Variants in RBFOX1 observed in about 807,000 individuals in gnomAD.
The protein encoded by RBFOX1 is RNA binding protein fox-1 homolog 1.
RBFOX1 carries 8 observed loss-of-function variants against 57.7 expected under a neutral mutation model. The ratio of observed to expected loss-of-function variants is 0.14; its 90% CI spans 0.08 to 0.25. RBFOX1 has a LOEUF of 0.25. Among genes scored for constraint, RBFOX1 ranks in the 10% least tolerant of loss-of-function variants. RBFOX1 has a pLI of 1.00. For missense variants in RBFOX1, 611 were observed against 548.5 expected (o/e 1.11, Z -1.14); for synonymous variants, 326 against 222.4 (o/e 1.47, Z -4.15).
At chr16:6,185,425 A>C (rs1253437705) in intron 1 of RBFOX1, among the ~76,000 whole-genome samples, 1 of 152,214 alleles carries the variant, frequency 6.6e-6, no homozygotes, top group Non-Finnish European at 1.5e-5. Flanking sequence ...TCCATTTTAC[A>C]ATGAAGAAAC....
In RBFOX1 at chr16:6,352,152, A is replaced by C. The variant is rs188706261; in HGVS notation, c.-64+35095A>C. Among the ~76,000 whole-genome samples the C allele has an allele frequency of 1.3e-4, 20 of 152,296 alleles. No individual in the cohort carries two copies. The East Asian group carries it at 2.1e-3, about 16-fold the overall frequency. ...TTTATATAATAAAAAGCAACCAGCT[A>C]TCTCAAGTCCCAGACCTCCCAGCCC... On this transcript the variant is annotated intron_variant, in intron 2 of 15. Transcript: ENST00000550418.
chr16:5,812,160 T>TA (rs2055455614), intron 3 of RBFOX1, among the ~76,000 whole-genome samples: 1 of 152,198 alleles, frequency 6.6e-6, no homozygotes, highest in Non-Finnish European at 1.5e-5. Flanking sequence ...ACTGTATGGA[T>TA]AGTGACTACA....
intron 3 of RBFOX1, among the ~76,000 whole-genome samples, chr16:5,788,994 C>T: frequency 6.6e-6 from 1 of 152,146 alleles, no homozygotes; most frequent in East Asian, 1.9e-4. Flanking sequence ...TGCTCTTCCA[C>T]TTCCAGCTGA....
intron 4 of RBFOX1, among the ~76,000 whole-genome samples, chr16:7,345,531 C>T (rs550227373): frequency 2.6e-5 from 4 of 152,262 alleles, no homozygotes; most frequent in South Asian, 4.2e-4. Flanking sequence ...GGACTTGGCA[C>T]GGCTTGCCAG....
chr16:6,660,598 C>A (rs1283922111), intron 3 of RBFOX1, among the ~76,000 whole-genome samples: 1 of 152,098 alleles, frequency 6.6e-6, no homozygotes, highest in Non-Finnish European at 1.5e-5. Flanking sequence ...AACTCTGTGA[C>A]CTTGAGAAGC....
rs191966739 is a variant in RBFOX1 at position 6,320,707 on chromosome 16, G to A, written c.-64+3650G>A. 1.1e-3 allele frequency among the ~76,000 whole-genome samples: 174 copies of A among 152,132 alleles called. 1 individual carries two copies. The highest frequency in any genetic ancestry group is 2.0e-3 in the Non-Finnish European group (135 of 67,994). On this transcript the variant is annotated intron_variant, in intron 2 of 15. Coordinates refer to ENST00000550418, the MANE Select transcript of RBFOX1 (RefSeq NM_018723.4). Reference sequence around the variant, plus strand: ...CAGCAGCCAGACGGAGCAAGTGAACGCTTGAAATGTGACTATTACACCTGA... The same window carrying A: ...CAGCAGCCAGACGGAGCAAGTGAACACTTGAAATGTGACTATTACACCTGA...
At chr16:7,497,720 T>G (rs2151737442) in intron 4 of RBFOX1, among the ~76,000 whole-genome samples, 1 of 152,364 alleles carries the variant, frequency 6.6e-6, no homozygotes, top group Non-Finnish European at 1.5e-5. Flanking sequence ...CATGTGTCAC[T>G]GAGACTTTTA....
intron 1 of RBFOX1, among the ~76,000 whole-genome samples, chr16:5,461,338 C>T (rs542570611): frequency 6.6e-4 from 100 of 152,312 alleles, no homozygotes; most frequent in African/African-American, 1.8e-3. Context: ...CCTCTCCTAG[C>T]GTTTCCCACG....
At chr16:5,594,344 A>G (rs1021346769) in intron 2 of RBFOX1, among the ~76,000 whole-genome samples, 3 of 152,194 alleles carry the variant, frequency 2.0e-5, no homozygotes, top group African/African-American at 7.2e-5. Flanking sequence ...GTGAGCCCCG[A>G]AAATCTGAGA....
intron 1 of RBFOX1, among the ~76,000 whole-genome samples, chr16:5,332,837 C>A (rs902887575): frequency 3.3e-5 from 5 of 151,678 alleles, no homozygotes; most frequent in African/African-American, 1.2e-4. Flanking sequence ...ATAAACCAGC[C>A]CTATTATTTT....
At chr16:6,141,467 A>G (rs2096715520) in intron 1 of RBFOX1, among the ~76,000 whole-genome samples, 1 of 151,690 alleles carries the variant, frequency 6.6e-6, no homozygotes, top group African/African-American at 2.4e-5. Context: ...ACTCACCTCC[A>G]TTTCTCTTCC....
intron 1 of RBFOX1, among the ~76,000 whole-genome samples, chr16:6,070,842 T>C (rs1160311888): frequency 4.0e-5 from 6 of 150,670 alleles, no homozygotes; most frequent in Admixed American, 6.7e-5. Context: ...ACATTTGCAC[T>C]AAACTTCTTT....
intron 4 of RBFOX1, among the ~76,000 whole-genome samples, chr16:7,474,739 TAA>T (rs1309924141): frequency 6.6e-6 from 1 of 152,222 alleles, no homozygotes; most frequent in African/African-American, 2.4e-5. Context: ...AAAATGGGCA[TAA>T]TCGTAGAACT....
chr16:5,954,210 T>G (rs13335248), intron 4 of RBFOX1, among the ~76,000 whole-genome samples: 33,855 of 152,100 alleles, frequency 0.22, 4,486 homozygotes, highest in African/African-American at 0.34. Context: ...CATCACATAT[T>G]CAGGCTGGCC....
intron 5 of RBFOX1, among the ~76,000 whole-genome samples, chr16:7,556,293 T>C (rs2088450260): frequency 6.6e-6 from 1 of 152,176 alleles, no homozygotes; most frequent in Non-Finnish European, 1.5e-5. Flanking sequence ...TTCTGTTTCT[T>C]GTACACCAGA....
intron 1 of RBFOX1, among the ~76,000 whole-genome samples, chr16:6,066,436 G>T (rs1280446456): frequency 6.6e-6 from 1 of 151,960 alleles, no homozygotes; most frequent in Non-Finnish European, 1.5e-5. Flanking sequence ...CATCAGAAGG[G>T]AAAAACCCTT....
intron 2 of RBFOX1, among the ~76,000 whole-genome samples, chr16:6,330,690 T>C (rs1454933197): frequency 6.6e-6 from 1 of 152,208 alleles, no homozygotes; most frequent in Non-Finnish European, 1.5e-5. Flanking sequence ...GGGTCTTACT[T>C]TCTCTAGAGG....
intron 2 of RBFOX1, among the ~76,000 whole-genome samples, chr16:6,454,874 T>TGTTTTTGGTTTTTGTTG (rs1567313731): frequency 2.0e-5 from 1 of 50,232 alleles, no homozygotes; most frequent in Non-Finnish European, 3.9e-5. Flanking sequence ...TTTTTTTTTT[T>TGTTTTTGGTTTTTGTTG]TTTTTTTTTT....
intron 14 of RBFOX1, 150 bp from the exon 15 acceptor site, chr16:7,708,906 C>G (rs1055306059): frequency 1.5e-6 from 1 of 669,762 alleles, no homozygotes; most frequent in South Asian, 1.9e-5. Flanking sequence ...CAGATGAACT[C>G]TTCTTATACT....
Sources: gnomAD v4.1 joint callset for allele counts (sites outside exome capture counted in the v4.1 genomes callset) on GRCh38, gnomAD v4.1.1 for gene constraint, MANE v1.5 for transcripts, NCBI Gene and HGNC (gene_info 2026-07-23, HGNC 2026-07-21) for gene names.